Variants in UNC79 observed in about 807,000 individuals in gnomAD.
The protein encoded by UNC79 is unc-79 subunit of NALCN channel complex, also known as protein unc-79 homolog.
A neutral mutation model predicts 283.1 loss-of-function variants in UNC79; 37 were observed. The observed-to-expected ratio is 0.13, with a 90% confidence interval of 0.10 to 0.17. UNC79 has a LOEUF of 0.17. Among genes scored for constraint, UNC79 ranks in the 10% least tolerant of loss-of-function variants. UNC79 has a pLI of 1.00. For synonymous variants in UNC79, 1,107 were observed against 1,200.2 expected, an observed-to-expected ratio of 0.92 and a Z score of 1.61; for missense variants, 2,272 against 3,211.1, an observed-to-expected ratio of 0.71 and a Z score of 7.07.
chr14:93,348,856 T>C (rs1595373996), intron 1 of UNC79, among the ~76,000 whole-genome samples: 2 of 152,350 alleles, frequency 1.3e-5, no homozygotes, highest in African/African-American at 4.8e-5. Flanking sequence ...AATAAAACAT[T>C]GAACAAAGAA....
chr14:93,430,019 C>T (rs1035660366), upstream of UNC79, among the ~76,000 whole-genome samples: 3 of 152,204 alleles, frequency 2.0e-5, no homozygotes, highest in African/African-American at 7.2e-5. This position sits in a 1 kb window ranked among gnomAD's most constrained non-coding sequence, Gnocchi z 4.6. Context: ...GTAGTGGATT[C>T]TTTGGATATC....
At chr14:93,437,738 G>A (rs8016875) in intron 1 of UNC79, among the ~76,000 whole-genome samples, 83,812 of 151,912 alleles carry the variant, frequency 0.55, 23,494 homozygotes, top group Admixed American at 0.64. Context: ...GCAATCTTTG[G>A]CATTCCTTGG....
chr14:93,407,842 G>A (rs1442042781), intron 1 of UNC79, among the ~76,000 whole-genome samples: 1 of 152,126 alleles, frequency 6.6e-6, no homozygotes, highest in South Asian at 2.1e-4. Context: ...AGAGATGAAA[G>A]ACGCAGACGA....
At chr14:93,473,808 G>A (rs2057653339) in intron 2 of UNC79, among the ~76,000 whole-genome samples, 1 of 152,070 alleles carries the variant, frequency 6.6e-6, no homozygotes, top group Admixed American at 6.6e-5. Context: ...GTAAAACATG[G>A]GTTTGGCACT....
intron 1 of UNC79, among the ~76,000 whole-genome samples, chr14:93,459,966 G>A (rs1418222111): frequency 8.7e-6 from 1 of 115,214 alleles, no homozygotes; most frequent in Admixed American, 9.1e-5. Flanking sequence ...CACCGCGCCC[G>A]GCCCTATATA....
chr14:93,603,476 C>A, intron 26 of UNC79, 58 bp downstream of exon 26: 1 of 1,565,272 alleles, frequency 6.4e-7, no homozygotes, highest in East Asian at 2.3e-5. Context: ...CTGAGGCTGA[C>A]TTGTCTTGTT....
chr14:93,691,830 G>T (rs138626983), exon 46 of UNC79: 4 of 1,614,152 alleles, frequency 2.5e-6, no homozygotes, highest in South Asian at 1.1e-5. Context: ...GCAAAGTGCC[G>T]TCGCTACAAA....
At chr14:93,395,107 T>C (rs2054968114) in intron 1 of UNC79, among the ~76,000 whole-genome samples, 1 of 152,244 alleles carries the variant, frequency 6.6e-6, no homozygotes, top group South Asian at 2.1e-4. Context: ...TTTTCTGTGC[T>C]TTTTATTTCT....
chr14:93,451,669 A>G (rs1431866837), intron 1 of UNC79, among the ~76,000 whole-genome samples: 1 of 152,182 alleles, frequency 6.6e-6, no homozygotes, highest in Non-Finnish European at 1.5e-5. Context: ...GCTCTTAAAC[A>G]GTTTTCAGCC....
chr14:93,378,900 T>C (rs1310947873), intron 1 of UNC79, among the ~76,000 whole-genome samples: 1 of 152,206 alleles, frequency 6.6e-6, no homozygotes, highest in African/African-American at 2.4e-5. Flanking sequence ...GGTAGCACTA[T>C]ATAACAAACA....
At chr14:93,417,477 G>A (rs1164743146) in intron 1 of UNC79, among the ~76,000 whole-genome samples, 1 of 152,030 alleles carries the variant, frequency 6.6e-6, no homozygotes, top group East Asian at 1.9e-4. Context: ...TTTCAACTTT[G>A]GTAAATCTGA....
In UNC79 at chr14:93,544,066, G is replaced by A. The variant is rs111676626; in HGVS notation, c.1755+1370G>A. 9.3e-3 allele frequency among the ~76,000 whole-genome samples: 1,412 copies of A among 152,176 alleles called. 28 individuals are homozygous for A. Among genetic ancestry groups the A allele is most frequent in the African/African-American group, 0.032 (1,343 of 41,486 alleles). On this transcript the variant is annotated intron_variant, in intron 14 of 48. Coordinates refer to ENST00000555664, the Ensembl canonical transcript of UNC79. ...GTGTTGATATATTTTCTATTATTAT[G>A]TCTATTGGAATAGTGAAGGATTGAT...
chr14:93,646,689 T>G, intron 35 of UNC79, 43 bp downstream of exon 38: 1 of 1,604,576 alleles, frequency 6.2e-7, no homozygotes, highest in South Asian at 1.1e-5. Context: ...TCTTTTCTCC[T>G]CTGTGCATGT....
At chr14:93,350,333 T>C (rs1595375682) in intron 1 of UNC79, among the ~76,000 whole-genome samples, 1 of 152,098 alleles carries the variant, frequency 6.6e-6, no homozygotes, top group East Asian at 1.9e-4. Context: ...AAGTTATGAA[T>C]GTGAATATAT....
At chr14:93,613,938 C>G (rs375553504) in intron 27 of UNC79, among the ~76,000 whole-genome samples, 6 of 151,844 alleles carry the variant, frequency 4.0e-5, no homozygotes, top group Non-Finnish European at 5.9e-5. Context: ...CTACGTAAAG[C>G]CTTGTTTTCT....
At chr14:93,542,125 G>C (rs774534137) in intron 13 of UNC79, among the ~76,000 whole-genome samples, 2 of 151,202 alleles carry the variant, frequency 1.3e-5, no homozygotes, top group African/African-American at 2.4e-5. Flanking sequence ...GAACTGAAAT[G>C]TATATACATT....
At chr14:93,649,942 A>G (rs1271176442) in intron 35 of UNC79, among the ~76,000 whole-genome samples, 12 of 152,216 alleles carry the variant, frequency 7.9e-5, no homozygotes, top group Admixed American at 7.9e-4. Flanking sequence ...CATTACCATT[A>G]TTCCCAGAAA....
exon 19 of UNC79, chr14:93,580,205 C>T (rs1256771664): frequency 6.2e-7 from 1 of 1,614,050 alleles, no homozygotes; most frequent in Non-Finnish European, 8.5e-7. Flanking sequence ...TATCAAAGGA[C>T]ATTATTTCTA....
At chr14:93,571,576 G>A (rs921437806) in intron 14 of UNC79, among the ~76,000 whole-genome samples, 6 of 152,192 alleles carry the variant, frequency 3.9e-5, no homozygotes, top group Non-Finnish European at 7.3e-5. Context: ...TGCTCTAATA[G>A]TATGCTCATC....
Sources: gnomAD v4.1 joint callset for allele counts (sites outside exome capture counted in the v4.1 genomes callset) on GRCh38, gnomAD v4.1.1 for gene constraint, Gnocchi (gnomAD v3.1) non-coding constraint, MANE v1.5 for transcripts, NCBI Gene and HGNC (gene_info 2026-07-23, HGNC 2026-07-21) for gene names.